The following PDE4D variants were observed in gnomAD, a reference collection of about 807,000 sequenced individuals.
The protein encoded by PDE4D is 3',5'-cyclic-AMP phosphodiesterase 4D.
PDE4D carries 24 observed loss-of-function variants against 87.4 expected under a neutral mutation model. The observed-to-expected ratio is 0.27, with a 90% CI of 0.20 to 0.39. The LOEUF (loss-of-function observed/expected upper bound fraction) is 0.39, where lower values mean the gene tolerates loss of function less well. Ranked by LOEUF, PDE4D falls within the 10% of genes least tolerant of loss-of-function variation. The pLI is 1.00. For missense variants in PDE4D, 714 were observed against 1,041.0 expected (o/e 0.69, Z 4.32); for synonymous variants, 384 against 383.2 (o/e 1.00, Z -0.02).
At chr5:59,121,799 A>G (rs923675446) in intron 5 of PDE4D, among the ~76,000 whole-genome samples, 1 of 152,186 alleles carries the variant, frequency 6.6e-6, no homozygotes, top group African/African-American at 2.4e-5. Context: ...ACAGAATAGC[A>G]AAGATGGAGA....
chr5:60,110,171 G>A (rs1347034952), intron 2 of PDE4D, among the ~76,000 whole-genome samples: 1 of 151,930 alleles, frequency 6.6e-6, no homozygotes, highest in Admixed American at 6.6e-5. Flanking sequence ...ATAGTCAAAT[G>A]GGACTATATT....
At position 58,975,464 on chromosome 5, in the gene PDE4D, T is replaced by G. The variant is rs145587027; in HGVS notation, c.2013+193A>C. Among the ~76,000 whole-genome samples the G allele has an allele frequency of 1.4e-3, 213 of 152,346 alleles. No individual in the cohort carries two copies. The highest frequency in any genetic ancestry group is 4.8e-3 in the African/African-American group (199 of 41,576). ...AATAAATGAATATGTCTTTAGAATATATATATGACTATATGAATGTAAGTC... is the reference window on the plus strand; with the variant it reads ...AATAAATGAATATGTCTTTAGAATAGATATATGACTATATGAATGTAAGTC... On this transcript the variant is annotated intron_variant, in intron 14 of 14. Coordinates refer to ENST00000340635, the MANE Select transcript of PDE4D (RefSeq NM_001104631.2). This position sits in a 1 kb window ranked among gnomAD's most constrained non-coding sequence, Gnocchi z 4.2.
At chr5:59,873,150 T>C (rs566727532) in intron 1 of PDE4D, among the ~76,000 whole-genome samples, 11 of 152,326 alleles carry the variant, frequency 7.2e-5, no homozygotes, top group African/African-American at 2.6e-4. Flanking sequence ...GTCAAGTCAT[T>C]AAGTCTAATT....
At chr5:59,311,214 A>G (rs539580873) in intron 1 of PDE4D, among the ~76,000 whole-genome samples, 2 of 152,148 alleles carry the variant, frequency 1.3e-5, no homozygotes, top group South Asian at 2.1e-4. Flanking sequence ...CTCTGATCCA[A>G]GGTATAAGGG....
chr5:60,184,961 T>TC (rs1784664246), intron 2 of PDE4D, among the ~76,000 whole-genome samples: 1 of 152,176 alleles, frequency 6.6e-6, no homozygotes, highest in Non-Finnish European at 1.5e-5. Context: ...TTTGCTTTTT[T>TC]CCATACACTA....
chr5:59,141,700 G>A (rs1862563), intron 5 of PDE4D, among the ~76,000 whole-genome samples: 116,623 of 152,096 alleles, frequency 0.77, 45,101 homozygotes, highest in Non-Finnish European at 0.83. Flanking sequence ...AGTGGCCCAC[G>A]CTAATGTATT....
intron 1 of PDE4D, among the ~76,000 whole-genome samples, chr5:59,883,951 T>C (rs1009677826): frequency 1.3e-5 from 2 of 152,184 alleles, no homozygotes; most frequent in African/African-American, 4.8e-5. Flanking sequence ...AAGAAACAAG[T>C]GAAATACAAG....
At chr5:59,824,837 C>T (rs1443363794) in intron 1 of PDE4D, among the ~76,000 whole-genome samples, 2 of 152,142 alleles carry the variant, frequency 1.3e-5, no homozygotes, top group African/African-American at 4.8e-5. Context: ...AGCAGATCTC[C>T]TCCAGGCACA....
intron 2 of PDE4D, among the ~76,000 whole-genome samples, chr5:59,998,632 T>C (rs1763736008): frequency 6.6e-6 from 1 of 152,136 alleles, no homozygotes; most frequent in Non-Finnish European, 1.5e-5. Flanking sequence ...AAGAAAATCA[T>C]CTCTTTTTTA....
At chr5:59,447,332 GA>G (rs1251912220) in intron 1 of PDE4D, among the ~76,000 whole-genome samples, 2 of 152,202 alleles carry the variant, frequency 1.3e-5, no homozygotes, top group African/African-American at 4.8e-5. Flanking sequence ...CTGGAATGGA[GA>G]AAAGGTGAGT....
At chr5:59,238,828 CAT>C (rs1292087882) in intron 1 of PDE4D, among the ~76,000 whole-genome samples, 5 of 152,174 alleles carry the variant, frequency 3.3e-5, no homozygotes, top group African/African-American at 1.2e-4. Flanking sequence ...TAGTCTCATA[CAT>C]ATTGGTGTGA....
At chr5:59,009,700 T>C (rs576514668) in intron 6 of PDE4D, among the ~76,000 whole-genome samples, 38 of 152,218 alleles carry the variant, frequency 2.5e-4, no homozygotes, top group African/African-American at 9.1e-4. Flanking sequence ...TAGATTATGG[T>C]GGTGGTTATC....
intron 1 of PDE4D, among the ~76,000 whole-genome samples, chr5:60,264,669 G>A (rs1750001643): frequency 6.6e-6 from 1 of 152,212 alleles, no homozygotes; most frequent in Non-Finnish European, 1.5e-5. Context: ...CTAACACTGA[G>A]ATGGCACTGA....
intron 1 of PDE4D, among the ~76,000 whole-genome samples, chr5:59,466,504 C>T (rs894444393): frequency 2.6e-5 from 4 of 152,162 alleles, no homozygotes; most frequent in African/African-American, 7.2e-5. Context: ...CTCCTGCTGA[C>T]GAGAATGCTG....
chr5:59,595,249 A>G (rs1018412317), intron 1 of PDE4D, among the ~76,000 whole-genome samples: 1 of 152,216 alleles, frequency 6.6e-6, no homozygotes, highest in Admixed American at 6.5e-5. Flanking sequence ...TATTTATAAA[A>G]TCTGAAACTT....
At chr5:59,499,636 T>C (rs915726470) in intron 1 of PDE4D, among the ~76,000 whole-genome samples, 12 of 152,142 alleles carry the variant, frequency 7.9e-5, no homozygotes, top group African/African-American at 1.7e-4. Flanking sequence ...CAGAGACTAC[T>C]ATGTACATCT....
rs991578329 is a variant in PDE4D at position 60,226,397 on chromosome 5, C to T, written c.-89-40710G>A. 3.3e-5 allele frequency among the ~76,000 whole-genome samples: 5 copies of T among 151,952 alleles called. 1 individual carries two copies. Among genetic ancestry groups the T allele is most frequent in the African/African-American group, 1.2e-4 (5 of 41,398 alleles). Reference sequence around the variant, plus strand: ...CAATCAATCCTAAATCACAGCTGCTCAAATAAATCAAACAGGGTGCCCCAG... The same window carrying T: ...CAATCAATCCTAAATCACAGCTGCTTAAATAAATCAAACAGGGTGCCCCAG... On this transcript the variant is annotated intron_variant, in intron 1 of 16. Coordinates refer to the PDE4D transcript ENST00000502484.
intron 1 of PDE4D, among the ~76,000 whole-genome samples, chr5:59,610,900 A>G (rs1391069188): frequency 6.6e-6 from 1 of 152,162 alleles, no homozygotes; most frequent in Non-Finnish European, 1.5e-5. Flanking sequence ...AAAACAGAAA[A>G]TGCTGGCAGA....
At chr5:60,064,756 C>G (rs183514140) in intron 2 of PDE4D, among the ~76,000 whole-genome samples, 301 of 152,192 alleles carry the variant, frequency 2.0e-3, no homozygotes, top group African/African-American at 6.9e-3. Context: ...ACCTCATCAC[C>G]TTTCCTCAAA....
Sources: allele counts gnomAD v4.1 joint callset (sites outside exome capture counted in the v4.1 genomes callset), GRCh38; gene constraint gnomAD v4.1.1; non-coding constraint Gnocchi (gnomAD v3.1); transcripts MANE v1.5; gene names NCBI Gene and HGNC (gene_info 2026-07-23, HGNC 2026-07-21).